The following LSAMP variants were observed in gnomAD, a reference collection of about 807,000 sequenced individuals.
LSAMP encodes the protein limbic system associated membrane protein.
LSAMP carries 7 observed loss-of-function variants against 38.6 expected under a neutral mutation model. The observed-to-expected ratio is 0.18, with a 90% confidence interval of 0.10 to 0.34. The LOEUF (loss-of-function observed/expected upper bound fraction) is 0.34. LSAMP is among the 10% of genes least tolerant of loss of function. The probability of loss-of-function intolerance (pLI) is 1.00; values close to 1 mark genes in which losing one functional copy is unlikely to be tolerated. For missense variants in LSAMP, 313 were observed against 420.0 expected, an observed-to-expected ratio of 0.75 and a Z score of 2.23; for synonymous variants, 154 against 166.8, an observed-to-expected ratio of 0.92 and a Z score of 0.59.
intron 1 of LSAMP, among the ~76,000 whole-genome samples, chr3:116,109,061 C>T (rs1228907054): frequency 6.6e-6 from 1 of 152,096 alleles, no homozygotes; most frequent in Non-Finnish European, 1.5e-5. Context: ...CTTTTAGGGT[C>T]TAGGGCTGTA....
intron 3 of LSAMP, among the ~76,000 whole-genome samples, chr3:115,870,587 C>T (rs938488152): frequency 1.3e-5 from 2 of 152,128 alleles, no homozygotes; most frequent in Admixed American, 1.3e-4. Flanking sequence ...GGGCAAGCCC[C>T]AGGAATCTGC....
intron 3 of LSAMP, among the ~76,000 whole-genome samples, chr3:115,954,240 G>A (rs1044717212): frequency 7.2e-5 from 11 of 152,020 alleles, no homozygotes; most frequent in Admixed American, 1.3e-4. Context: ...GGGCTTCTAC[G>A]GACAGCCAGC....
intron 3 of LSAMP, among the ~76,000 whole-genome samples, chr3:116,008,891 A>C (rs1022761536): frequency 2.6e-5 from 4 of 151,950 alleles, no homozygotes; most frequent in Admixed American, 6.6e-5. Context: ...GGAAATGCAG[A>C]TTTTCATCCA....
intron 1 of LSAMP, among the ~76,000 whole-genome samples, chr3:116,337,804 G>C (rs1417993207): frequency 1.3e-5 from 2 of 151,998 alleles, no homozygotes; most frequent in African/African-American, 4.8e-5. Flanking sequence ...GTATGCAATG[G>C]AGTCAGTGAG....
intron 2 of LSAMP, among the ~76,000 whole-genome samples, chr3:116,034,438 C>A (rs1313275946): frequency 6.6e-6 from 1 of 152,094 alleles, no homozygotes; most frequent in Non-Finnish European, 1.5e-5. Flanking sequence ...AGTCACTTAA[C>A]CTCATCTGGA....
intron 1 of LSAMP, among the ~76,000 whole-genome samples, chr3:116,167,848 T>C (rs558101559): frequency 1.2e-4 from 18 of 152,288 alleles, no homozygotes; most frequent in African/African-American, 4.1e-4. Context: ...TGTGTGAATA[T>C]GAAGACTGAA....
intron 1 of LSAMP, among the ~76,000 whole-genome samples, chr3:116,295,634 T>A (rs2047321108): frequency 6.6e-6 from 1 of 152,190 alleles, no homozygotes; most frequent in Non-Finnish European, 1.5e-5. Context: ...GTTGGCATTA[T>A]TGCTAATACT....
chr3:116,117,313 CT>C lies in LSAMP; in HGVS notation c.156-30758del, dbSNP rs375442611. 2.5e-3 allele frequency among the ~76,000 whole-genome samples: 377 copies of C among 152,242 alleles called. 1 individual carries two copies. The highest frequency in any genetic ancestry group is 8.0e-3 in the African/African-American group (331 of 41,542). ...GCCCCTCATGTCTGTCATTCCCCCC[CT>C]ATTCTTTCTTTATATATTATTTTTA... On this transcript the variant is annotated intron_variant, in intron 1 of 6. Transcript: ENST00000490035.
intron 1 of LSAMP, among the ~76,000 whole-genome samples, chr3:116,273,284 G>C (rs2046998260): frequency 6.6e-6 from 1 of 151,922 alleles, no homozygotes; most frequent in African/African-American, 2.4e-5. Context: ...TTGATTCCCT[G>C]TGTAACGTCT....
rs547415596 is a variant in LSAMP, at chr3:116,286,890, T to TCAAAAA, written c.155+157986_155+157987insTTTTTG. Among the ~76,000 whole-genome samples the TCAAAAA allele has an allele frequency of 2.3e-3, 336 of 145,980 alleles. 4 individuals carry two copies. The highest frequency in any genetic ancestry group is 8.3e-3 in the African/African-American group (325 of 39,164). On this transcript the variant is annotated intron_variant, in intron 1 of 6. Coordinates refer to ENST00000490035, the MANE Select transcript of LSAMP (RefSeq NM_002338.5). ...CATACCATGTGTATTATCTCTCAAG[T>TCAAAAA]TAAAAAAAAAAAAAAAAGGTAACTA...
intron 2 of LSAMP, among the ~76,000 whole-genome samples, chr3:116,034,999 T>C (rs1941015908): frequency 6.6e-6 from 1 of 152,224 alleles, no homozygotes; most frequent in East Asian, 1.9e-4. Flanking sequence ...CTGGTCCCTC[T>C]GATGGCTTTG....
intron 1 of LSAMP, among the ~76,000 whole-genome samples, chr3:116,275,512 CTAAT>C (rs1347211918): frequency 6.6e-6 from 1 of 151,090 alleles, no homozygotes; most frequent in East Asian, 2.0e-4. Context: ...CGTTATTTAC[CTAAT>C]TAATTATTAA....
chr3:115,976,739 T>G (rs1282921743), intron 3 of LSAMP, among the ~76,000 whole-genome samples: 1 of 152,086 alleles, frequency 6.6e-6, no homozygotes, highest in African/African-American at 2.4e-5. Flanking sequence ...GTGAGTGAGT[T>G]CTCATGCATC....
At chr3:116,242,945 G>C (rs2046557868) in intron 1 of LSAMP, among the ~76,000 whole-genome samples, 1 of 152,102 alleles carries the variant, frequency 6.6e-6, no homozygotes, top group African/African-American at 2.4e-5. Flanking sequence ...GGTCTCATCA[G>C]GAAAATGTAA....
chr3:115,878,067 C>T (rs1308522416), intron 3 of LSAMP, among the ~76,000 whole-genome samples: 1 of 152,090 alleles, frequency 6.6e-6, no homozygotes, highest in African/African-American at 2.4e-5. Flanking sequence ...GATTGTTCTG[C>T]AGTATATGTG....
At chr3:116,249,115 C>G (rs866165020) in intron 1 of LSAMP, among the ~76,000 whole-genome samples, 8 of 149,184 alleles carry the variant, frequency 5.4e-5, no homozygotes, top group African/African-American at 2.0e-4. Flanking sequence ...CGCCACTGCA[C>G]TCCAGCCTGG....
At chr3:116,175,463 A>G (rs1319129145) in intron 1 of LSAMP, among the ~76,000 whole-genome samples, 2 of 152,084 alleles carry the variant, frequency 1.3e-5, no homozygotes, top group Non-Finnish European at 2.9e-5. Flanking sequence ...CTACAATGGT[A>G]TAGAACACTA....
chr3:116,287,704 T>C (rs1430922255), intron 1 of LSAMP, among the ~76,000 whole-genome samples: 1 of 152,094 alleles, frequency 6.6e-6, no homozygotes, highest in East Asian at 1.9e-4. Context: ...CCAAAATAAA[T>C]GGCCATTTAT....
intron 1 of LSAMP, among the ~76,000 whole-genome samples, chr3:116,209,190 G>T (rs2046116790): frequency 6.6e-6 from 1 of 152,134 alleles, no homozygotes; most frequent in Admixed American, 6.5e-5. Context: ...CCCTTTCTTT[G>T]ACTTGGAAAG....
Sources: allele counts gnomAD v4.1 joint callset (sites outside exome capture counted in the v4.1 genomes callset), GRCh38; gene constraint gnomAD v4.1.1; transcripts MANE v1.5; gene names NCBI Gene and HGNC (gene_info 2026-07-23, HGNC 2026-07-21).